The following CDH8 variants were observed in gnomAD, a reference collection of about 807,000 sequenced individuals.
CDH8 encodes the protein cadherin-8.
A neutral mutation model predicts 68.1 loss-of-function variants in CDH8; 17 were observed. That is an observed-to-expected ratio of 0.25 (90% CI 0.17 to 0.37). CDH8 has a LOEUF of 0.37. Among genes scored for constraint, CDH8 ranks in the 10% least tolerant of loss-of-function variants. The pLI is 1.00. For missense variants in CDH8, 763 were observed against 999.3 expected (o/e 0.76, Z 3.19); for synonymous variants, 372 against 365.1 (o/e 1.02, Z -0.21).
chr16:61,702,285 T>C (rs997025152), intron 10 of CDH8, among the ~76,000 whole-genome samples: 1 of 151,274 alleles, frequency 6.6e-6, no homozygotes, highest in Non-Finnish European at 1.5e-5. Flanking sequence ...GGCAGGAGAA[T>C]GGCGTGAGCC....
chr16:61,907,607 G>A (rs1359476817), intron 2 of CDH8, among the ~76,000 whole-genome samples: 1 of 151,782 alleles, frequency 6.6e-6, no homozygotes, highest in Non-Finnish European at 1.5e-5. Flanking sequence ...GTGAGCCTGG[G>A]TGTCAAGGCT....
chr16:61,863,474 C>T (rs1963193059), intron 3 of CDH8, among the ~76,000 whole-genome samples: 3 of 152,170 alleles, frequency 2.0e-5, no homozygotes, highest in East Asian at 1.9e-4. Flanking sequence ...GCTGTGTTAG[C>T]GAGGCTATAC....
At chr16:61,745,369 G>T (rs1158596153) in intron 8 of CDH8, among the ~76,000 whole-genome samples, 2 of 151,836 alleles carry the variant, frequency 1.3e-5, no homozygotes, top group Non-Finnish European at 2.9e-5. Flanking sequence ...AGAGTTTACT[G>T]ATCCACTTGA....
intron 2 of CDH8, among the ~76,000 whole-genome samples, chr16:61,993,804 G>A (rs1965767052): frequency 6.6e-6 from 1 of 151,984 alleles, no homozygotes; most frequent in Non-Finnish European, 1.5e-5. Context: ...TCATTCTTCT[G>A]TGTACACAAA....
intron 7 of CDH8, among the ~76,000 whole-genome samples, chr16:61,801,700 G>A (rs1466976451): frequency 2.0e-5 from 3 of 152,182 alleles, no homozygotes; most frequent in African/African-American, 4.8e-5. Flanking sequence ...AAAGAAAGGG[G>A]TGACGGACGC....
chr16:61,742,935 T>G (rs761101004), intron 8 of CDH8, among the ~76,000 whole-genome samples: 13 of 152,190 alleles, frequency 8.5e-5, no homozygotes, highest in African/African-American at 1.2e-4. Context: ...AATTATTCAA[T>G]AGAGAAGTAA....
intron 2 of CDH8, among the ~76,000 whole-genome samples, chr16:61,921,803 A>G (rs1406743357): frequency 6.6e-6 from 1 of 152,194 alleles, no homozygotes; most frequent in East Asian, 1.9e-4. Context: ...AGGCTGAGGC[A>G]GGCAGATCAC....
intron 2 of CDH8, among the ~76,000 whole-genome samples, chr16:62,000,614 C>G (rs2150596317): frequency 6.6e-6 from 1 of 152,278 alleles, no homozygotes; most frequent in Non-Finnish European, 1.5e-5. Context: ...AACTAATAAA[C>G]ATTTACTTTG....
Position 61,933,954 on chromosome 16 carries a change from C to T in CDH8, c.253-32481G>A, listed in dbSNP as rs76885977. On this transcript the variant is annotated intron_variant, in intron 2 of 11. Coordinates refer to ENST00000577390, the MANE Select transcript of CDH8 (RefSeq NM_001796.5). Reference sequence around the variant, plus strand: ...AGAGGAACTAACACATCAAAACCTGCGATTGTAGTAATAATATTGGTTATG... The same window carrying T: ...AGAGGAACTAACACATCAAAACCTGTGATTGTAGTAATAATATTGGTTATG... 1.2e-3 allele frequency among the ~76,000 whole-genome samples: 188 copies of T among 152,154 alleles called. 4 individuals carry two copies. The highest frequency in any genetic ancestry group is 9.8e-3 in the South Asian group (47 of 4,806).
intron 8 of CDH8, among the ~76,000 whole-genome samples, chr16:61,759,613 T>C (rs1248583670): frequency 1.3e-5 from 2 of 152,148 alleles, no homozygotes; most frequent in African/African-American, 4.8e-5. Flanking sequence ...GTAACTGCCA[T>C]ATGACTTCCA....
chr16:61,852,885 C>CCTT (rs1567500518), intron 4 of CDH8, among the ~76,000 whole-genome samples: 1 of 113,124 alleles, frequency 8.8e-6, no homozygotes, highest in Admixed American at 9.2e-5. Context: ...TTCCTTCCTT[C>CCTT]CTTCCTTCCA....
intron 2 of CDH8, among the ~76,000 whole-genome samples, chr16:61,932,218 A>AAAAGAGAAAAG (rs1964555362): frequency 6.8e-6 from 1 of 146,868 alleles, no homozygotes; most frequent in Non-Finnish European, 1.5e-5. Context: ...AAAAAAAAAA[A>AAAAGAGAAAAG]AAAAGAAAAG....
At chr16:61,968,549 A>G (rs1965290196) in intron 2 of CDH8, among the ~76,000 whole-genome samples, 1 of 152,188 alleles carries the variant, frequency 6.6e-6, no homozygotes, top group Non-Finnish European at 1.5e-5. Context: ...ACTATCAAAT[A>G]AGCAGAATCG....
At chr16:61,898,724 C>T in intron 3 of CDH8, among the ~76,000 whole-genome samples, 1 of 152,116 alleles carries the variant, frequency 6.6e-6, no homozygotes, top group Non-Finnish European at 1.5e-5. Flanking sequence ...TAAGATTACA[C>T]AGCAGTCAGT....
At chr16:61,881,272 T>C (rs1282760149) in intron 3 of CDH8, among the ~76,000 whole-genome samples, 1 of 152,202 alleles carries the variant, frequency 6.6e-6, no homozygotes, top group Non-Finnish European at 1.5e-5. Flanking sequence ...AATGTGCTGA[T>C]TGCTGTACAG....
chr16:61,681,054 G>A (rs1032352989), intron 10 of CDH8, among the ~76,000 whole-genome samples: 1 of 151,806 alleles, frequency 6.6e-6, no homozygotes, highest in Non-Finnish European at 1.5e-5. Flanking sequence ...GGAGAAATTG[G>A]ATCACTCTTA....
chr16:61,700,098 C>T (rs1964394326), intron 10 of CDH8, among the ~76,000 whole-genome samples: 1 of 151,974 alleles, frequency 6.6e-6, no homozygotes, highest in Non-Finnish European at 1.5e-5. Context: ...TTAACAGTAT[C>T]TTACATTTGA....
chr16:61,928,021 A>T (rs1964483322), intron 2 of CDH8, among the ~76,000 whole-genome samples: 1 of 152,210 alleles, frequency 6.6e-6, no homozygotes, highest in African/African-American at 2.4e-5. Flanking sequence ...TGCATGCAAT[A>T]GTTGCACTTT....
chr16:61,803,735 T>C (rs1027644087), intron 7 of CDH8, among the ~76,000 whole-genome samples: 2 of 146,094 alleles, frequency 1.4e-5, no homozygotes, highest in East Asian at 2.0e-4. Flanking sequence ...CATTACATAA[T>C]GGTAAAGGGA....
Sources: gnomAD v4.1 joint callset for allele counts (sites outside exome capture counted in the v4.1 genomes callset) on GRCh38, gnomAD v4.1.1 for gene constraint, MANE v1.5 for transcripts, NCBI Gene and HGNC (gene_info 2026-07-23, HGNC 2026-07-21) for gene names.